COL7A1: variants seen among roughly 807,000 people sequenced by gnomAD.
COL7A1 encodes the protein collagen alpha-1(VII) chain.
COL7A1 carries 296 observed loss-of-function variants against 456.2 expected under a neutral mutation model. The ratio of observed to expected loss-of-function variants is 0.65; its 90% CI spans 0.59 to 0.71. The LOEUF (loss-of-function observed/expected upper bound fraction) is 0.71, where lower values mean the gene tolerates loss of function less well. Among genes scored for constraint, COL7A1 ranks in the 30% least tolerant of loss-of-function variants. The pLI is 0.00. For synonymous variants in COL7A1, 1,464 were observed against 1,525.9 expected (o/e 0.96, Z 0.95); for missense variants, 3,441 against 4,017.2 (o/e 0.86, Z 3.88).
rs192945405 is a variant in COL7A1 at position 48,569,848 on chromosome 3, C to A, written c.7521+32G>T. On this transcript the variant is annotated intron_variant, in intron 100 of 118. Transcript: ENST00000681320. This position sits in a 1 kb window ranked among gnomAD's most constrained non-coding sequence, Gnocchi z 4.9. ...ATCATACAAGATCCACTCACCCCCCCACTCATGCCAGGACCTTCCCCACGT... is the reference window on the plus strand; with the variant it reads ...ATCATACAAGATCCACTCACCCCCCAACTCATGCCAGGACCTTCCCCACGT... 2.3e-4 allele frequency: 365 copies of A among 1,614,196 alleles called. 1 individual carries two copies. The highest frequency in any genetic ancestry group is 2.3e-4 in the South Asian group (21 of 91,084).
At position 48,578,895 on chromosome 3, in the gene COL7A1, G is replaced by C; in HGVS notation, c.5424+24C>G. The C allele has an allele frequency of 6.2e-7, 1 of 1,612,366 alleles. No individual in the cohort carries two copies. Among genetic ancestry groups the C allele is most frequent in the East Asian group, 2.2e-5 (1 of 44,866 alleles). On this transcript the variant is annotated intron_variant, in intron 63 of 118. Coordinates refer to ENST00000681320, the MANE Select transcript of COL7A1 (RefSeq NM_000094.4). This position sits in a 1 kb window ranked among gnomAD's most constrained non-coding sequence, Gnocchi z 4.7. Reference sequence around the variant, plus strand: ...GCTTACGCAGCCCCGAGCCCCCTCTGTCCCAGCATCTCCCCTCACTTACGT... The same window carrying C: ...GCTTACGCAGCCCCGAGCCCCCTCTCTCCCAGCATCTCCCCTCACTTACGT...
In COL7A1 at chr3:48,578,317, T is replaced by A; in HGVS notation, c.5532+4A>T. The A allele has an allele frequency of 6.2e-7, 1 of 1,612,456 alleles. No individual in the cohort carries two copies. The highest frequency in any genetic ancestry group is 8.5e-7 in the Non-Finnish European group (1 of 1,180,010). The stretch of plus-strand genomic sequence containing the variant: ...TTCGCCGCAGCTGCCCTGGACACAC[T>A]CACGTTTTTTCCATTCAGGCCAGGT... On this transcript the variant is annotated splice_donor_region_variant and intron_variant, in intron 65 of 118. Coordinates refer to ENST00000681320, the MANE Select transcript of COL7A1 (RefSeq NM_000094.4). This position sits in a 1 kb window ranked among gnomAD's most constrained non-coding sequence, Gnocchi z 4.7.
chr3:48,568,673 C>T lies in COL7A1; in HGVS notation c.7758+111G>A, dbSNP rs564282803. ...GATCCCGGGTGAACACACATGGGGC[C>T]GGCAGCAAGGGAGCCAGAACCCCCA... On this transcript the variant is annotated intron_variant, in intron 104 of 118. Coordinates refer to ENST00000681320, the MANE Select transcript of COL7A1 (RefSeq NM_000094.4). The surrounding 1 kb of genome is among the most constrained non-coding windows in gnomAD (Gnocchi z 5.2). The T allele has an allele frequency of 3.7e-5, 55 of 1,474,876 alleles. No individual in the cohort carries two copies. The highest frequency in any genetic ancestry group is 4.6e-5 in the Non-Finnish European group (50 of 1,080,178). The allele number at this position is 1,474,876 out of a possible 1,614,324, so 91.4% of individuals were successfully genotyped here. A position where few individuals can be genotyped will look rare whatever the true frequency, so the allele number is the denominator to read the frequency against.
Position 48,591,823 on chromosome 3 carries a change from C to A in COL7A1, c.1358-1G>T. ...ACCACCTTCTGCGGTGGCTCCAAGCCTGCAAGATAACAGGGTCAGACCAGC... is the reference window on the plus strand; with the variant it reads ...ACCACCTTCTGCGGTGGCTCCAAGCATGCAAGATAACAGGGTCAGACCAGC... On this transcript the variant is annotated splice_acceptor_variant, in intron 11 of 118. Transcript: ENST00000681320. LOFTEE classifies it high-confidence loss of function. The surrounding 1 kb of genome is among the most constrained non-coding windows in gnomAD (Gnocchi z 7.0). 1 of 1,614,190 alleles carries A rather than the reference C, an allele frequency of 6.2e-7. No individual in the cohort carries two copies. Among genetic ancestry groups the A allele is most frequent in the Non-Finnish European group, 8.5e-7 (1 of 1,180,030 alleles).
At position 48,589,396 on chromosome 3, in the gene COL7A1, A is replaced by G. The variant is rs761731850; in HGVS notation, c.2245T>C (p.Tyr749His). 1.2e-6 allele frequency: 2 copies of G among 1,613,540 alleles called. No individual in the cohort carries two copies. Among genetic ancestry groups the G allele is most frequent in the East Asian group, 2.2e-5 (1 of 44,886 alleles). Residue 749 changes from tyrosine to histidine, a missense_variant, in exon 18 of 119, where the codon TAT (tyrosine) becomes CAT (histidine). Tyr to His is a moderately conservative substitution (Grantham distance 83). Transcript: ENST00000681320. Reference protein sequence around the residue: ...ELDGLEPDTEYTVHVRAHVAG... With the variant: ...ELDGLEPDTEHTVHVRAHVAG... ...ACATGGGCCCTCACATGCACCGTAT[A>G]CTCAGTATCTGGCTCCAGTCCATCC...
rs759136317 is a variant in COL7A1, at chr3:48,572,384, T to C, written c.6974A>G (p.Glu2325Gly). 1.9e-6 allele frequency: 3 copies of C among 1,613,928 alleles called. No individual in the cohort carries two copies. Among genetic ancestry groups the C allele is most frequent in the Non-Finnish European group, 2.5e-6 (3 of 1,180,004 alleles). The change falls in exon 90 of 119, where the codon GAG (glutamate) becomes GGG (glycine). Residue 2325 changes from glutamate (E) to glycine (G), a missense_variant. Transcript: ENST00000681320. The surrounding 1 kb of genome is among the most constrained non-coding windows in gnomAD (Gnocchi z 4.6). ...PGGLAGDLVG[E>G]PGAKGDRGLP... ...TGTCAGAAGTTCCCTACTTACCGGC[T>C]CACCCACCAGGTCTCCAGCAAGGCC...
Position 48,583,965 on chromosome 3 carries a change from C to G in COL7A1, c.4225-12G>C, listed in dbSNP as rs1032012563. On this transcript the variant is annotated splice_polypyrimidine_tract_variant and intron_variant, in intron 38 of 118. Coordinates refer to ENST00000681320, the MANE Select transcript of COL7A1 (RefSeq NM_000094.4). This position sits in a 1 kb window ranked among gnomAD's most constrained non-coding sequence, Gnocchi z 5.1. ...GGTCCAGGGGGACCCTGGGAGAGAACAGCAGGTCAGGGAATGAACAGGGGA... is the reference window on the plus strand; with the variant it reads ...GGTCCAGGGGGACCCTGGGAGAGAAGAGCAGGTCAGGGAATGAACAGGGGA... The G allele has an allele frequency of 1.2e-6, 2 of 1,613,658 alleles. No individual in the cohort carries two copies. The highest frequency in any genetic ancestry group is 1.7e-6 in the Non-Finnish European group (2 of 1,179,966).
In COL7A1 at chr3:48,576,531, C is replaced by T. The variant is rs534242549; in HGVS notation, c.5727G>A (p.Thr1909=). 23 of 1,611,088 alleles carry T rather than the reference C, an allele frequency of 1.4e-5. No homozygotes were observed. Among genetic ancestry groups the T allele is most frequent in the South Asian group, 1.1e-4 (10 of 90,718 alleles). Reference sequence around the variant, plus strand: ...CAACATCCGCACTCACCTTGGGGCCCGTGCCTCCTGGGACACCAGGAAAAC... The same window carrying T: ...CAACATCCGCACTCACCTTGGGGCCTGTGCCTCCTGGGACACCAGGAAAAC... ...GQGFPGVPGG[T]GPKGDRGETG... Residue 1909 remains threonine (T), a synonymous_variant, in exon 69 of 119, where the codon ACG becomes ACA. Transcript: ENST00000681320.
At chr3:48,576,459 G>A (rs1402067204) in intron 69 of COL7A1, 24 bp from the exon 70 acceptor site, 2 of 1,613,138 alleles carry the variant, frequency 1.2e-6, no homozygotes, top group Admixed American at 3.3e-5. Flanking sequence ...TGACCAGGTG[G>A]GGAAATGGCC....
Position 48,564,188 on chromosome 3 carries a change from C to G in COL7A1, c.*218G>C. Reference sequence around the variant, plus strand: ...TCCGCTCACTGCCCACAGCCACCCCCCCACAGTGAGTCATCTGCCAGGGTG... The same window carrying G: ...TCCGCTCACTGCCCACAGCCACCCCGCCACAGTGAGTCATCTGCCAGGGTG... On this transcript the variant is annotated 3_prime_UTR_variant, in exon 119 of 119. Transcript: ENST00000681320. This position sits in a 1 kb window ranked among gnomAD's most constrained non-coding sequence, Gnocchi z 6.0. 3.1e-6 allele frequency: 2 copies of G among 643,280 alleles called. No homozygotes were observed. The highest frequency in any genetic ancestry group is 5.6e-6 in the Non-Finnish European group (2 of 354,282). The allele number at this position is 643,280 out of a possible 1,614,324, so 39.8% of individuals were successfully genotyped here. A position where few individuals can be genotyped will look rare whatever the true frequency, so the allele number is the denominator to read the frequency against.
Position 48,583,302 on chromosome 3 carries a change from A to T in COL7A1, c.4437+91T>A. 1 of 1,606,570 alleles carries T rather than the reference A, an allele frequency of 6.2e-7. No individual in the cohort carries two copies. The highest frequency in any genetic ancestry group is 8.5e-7 in the Non-Finnish European group (1 of 1,174,136). The stretch of plus-strand genomic sequence containing the variant: ...AACCACGACCTCTGACCTGGAGGGA[A>T]CTCTTATCTCCTTATCTTCCAGCCT... On this transcript the variant is annotated intron_variant, in intron 42 of 118. Transcript: ENST00000681320. This position sits in a 1 kb window ranked among gnomAD's most constrained non-coding sequence, Gnocchi z 5.1.
Position 48,578,892 on chromosome 3 carries a change from T to G in COL7A1, c.5424+27A>C. 6.2e-7 allele frequency: 1 copy of G among 1,610,940 alleles called. No homozygotes were observed. Among genetic ancestry groups the G allele is most frequent in the East Asian group, 2.2e-5 (1 of 44,808 alleles). The stretch of plus-strand genomic sequence containing the variant: ...GGAGCTTACGCAGCCCCGAGCCCCC[T>G]CTGTCCCAGCATCTCCCCTCACTTA... On this transcript the variant is annotated intron_variant, in intron 63 of 118. Transcript: ENST00000681320. This position sits in a 1 kb window ranked among gnomAD's most constrained non-coding sequence, Gnocchi z 4.7.
At chr3:48,577,922 CT>C in intron 65 of COL7A1, among the ~76,000 whole-genome samples, 1 of 152,202 alleles carries the variant, frequency 6.6e-6, no homozygotes, top group Non-Finnish European at 1.5e-5. Flanking sequence ...AATCCCAGCA[CT>C]TTAGGAGGCC....
At position 48,572,559 on chromosome 3, in the gene COL7A1, T is replaced by C. The variant is rs749029876; in HGVS notation, c.6901-21A>G. The C allele has an allele frequency of 2.0e-5, 32 of 1,612,586 alleles. No individual in the cohort carries two copies. The highest frequency in any genetic ancestry group is 2.5e-5 in the Non-Finnish European group (30 of 1,179,562). On this transcript the variant is annotated intron_variant, in intron 88 of 118. Coordinates refer to ENST00000681320, the MANE Select transcript of COL7A1 (RefSeq NM_000094.4). The surrounding 1 kb of genome is among the most constrained non-coding windows in gnomAD (Gnocchi z 4.6). ...ACAGCCTGTGGGGAATGCTAGTGAGTTTCCTCCTCCTCCCCCGCCCCCACC... is the reference window on the plus strand; with the variant it reads ...ACAGCCTGTGGGGAATGCTAGTGAGCTTCCTCCTCCTCCCCCGCCCCCACC...
Position 48,579,256 on chromosome 3 carries a change from GC to G in COL7A1, c.5328del (p.Leu1777TrpfsTer64). The G allele has an allele frequency of 6.2e-7, 1 of 1,613,966 alleles. No homozygotes were observed. Among genetic ancestry groups the G allele is most frequent in the Non-Finnish European group, 8.5e-7 (1 of 1,180,034 alleles). ...CCATCCAGTCCGCTCCGGCCATCCA[GC>G]CCAGGGGGACCCCGGTCACCCTGTG... ...AGEKGDRGPP[G>X]LDGRSGLDGK... On this transcript the variant is annotated frameshift_variant, in exon 62 of 119. Coordinates refer to ENST00000681320, the MANE Select transcript of COL7A1 (RefSeq NM_000094.4). LOFTEE classifies it high-confidence loss of function. This position sits in a 1 kb window ranked among gnomAD's most constrained non-coding sequence, Gnocchi z 4.4.
rs761348227 is a variant in COL7A1 at position 48,589,747 on chromosome 3, C to T, written c.2051-29G>A. 1.9e-6 allele frequency: 3 copies of T among 1,613,818 alleles called. No individual in the cohort carries two copies. In the South Asian group the frequency reaches 3.3e-5, roughly 18 times the overall value. On this transcript the variant is annotated intron_variant, in intron 16 of 118. Transcript: ENST00000681320. Reference sequence around the variant, plus strand: ...GTGGGGAGAGGCAATGGGGAGTCTGCTGGAACAGGCAGGAAGGAGTGGGGC... The same window carrying T: ...GTGGGGAGAGGCAATGGGGAGTCTGTTGGAACAGGCAGGAAGGAGTGGGGC...
At position 48,585,039 on chromosome 3, in the gene COL7A1, TA is replaced by T. The variant is rs886044621; in HGVS notation, c.3971del (p.Leu1324GlnfsTer75). On this transcript the variant is annotated frameshift_variant, in exon 33 of 119. Transcript: ENST00000681320. LOFTEE classifies it high-confidence loss of function. The surrounding 1 kb of genome is among the most constrained non-coding windows in gnomAD (Gnocchi z 4.5). Reference sequence around the variant, plus strand: ...CTGCAGGACAAGGCTTGCTCACCTTTAGGCCAGGGGCTCCAGGGGTCCCAGG... The same window carrying T: ...CTGCAGGACAAGGCTTGCTCACCTTTGGCCAGGGGCTCCAGGGGTCCCAGG... ...GNPGTPGAPGLKGSPGLPGPR... is the reference protein window; with the variant it reads ...GNPGTPGAPGXKGSPGLPGPR... 3.1e-6 allele frequency: 5 copies of T among 1,613,024 alleles called. No individual in the cohort carries two copies. The highest frequency in any genetic ancestry group is 1.3e-5 in the African/African-American group (1 of 74,838).
Position 48,578,623 on chromosome 3 carries a change from C to A in COL7A1, c.5425-108G>T. 7.6e-7 allele frequency: 1 copy of A among 1,309,666 alleles called. No homozygotes were observed. Among genetic ancestry groups the A allele is most frequent in the African/African-American group, 1.5e-5 (1 of 68,512 alleles). 81.1% of individuals were successfully genotyped at this position (1,309,666 alleles called of 1,614,324 possible). A position where few individuals can be genotyped will look rare whatever the true frequency, so the allele number is the denominator to read the frequency against. On this transcript the variant is annotated intron_variant, in intron 63 of 118. Coordinates refer to ENST00000681320, the MANE Select transcript of COL7A1 (RefSeq NM_000094.4). The surrounding 1 kb of genome is among the most constrained non-coding windows in gnomAD (Gnocchi z 4.7). ...AGATCTCCCTCCAGGGTAGAGACCCCCAGGACTGAGAGGTCCCATTGAGAT... is the reference window on the plus strand; with the variant it reads ...AGATCTCCCTCCAGGGTAGAGACCCACAGGACTGAGAGGTCCCATTGAGAT...
In COL7A1 at chr3:48,594,315, A is replaced by C. The variant is rs115627928; in HGVS notation, c.266+53T>G. The C allele has an allele frequency of 1.8e-3, 2,842 of 1,588,718 alleles. 41 individuals are homozygous for C. In the African/African-American group the frequency reaches 0.033, roughly 18 times the overall value. On this transcript the variant is annotated intron_variant, in intron 3 of 118. Coordinates refer to ENST00000681320, the MANE Select transcript of COL7A1 (RefSeq NM_000094.4). This position sits in a 1 kb window ranked among gnomAD's most constrained non-coding sequence, Gnocchi z 5.5. Reference sequence around the variant, plus strand: ...TCCAGGGTCTCCTCCCTCTCTGGGGAAGGAGTCTTGGTGGGGATCTCGTGG... The same window carrying C: ...TCCAGGGTCTCCTCCCTCTCTGGGGCAGGAGTCTTGGTGGGGATCTCGTGG...
Sources: allele counts gnomAD v4.1 joint callset (sites outside exome capture counted in the v4.1 genomes callset), GRCh38; gene constraint gnomAD v4.1.1; non-coding constraint Gnocchi (gnomAD v3.1); transcripts MANE v1.5; gene names NCBI Gene and HGNC (gene_info 2026-07-23, HGNC 2026-07-21).